The following DGKB variants were observed in gnomAD, a reference collection of about 807,000 sequenced individuals.
DGKB encodes diacylglycerol kinase beta.
In DGKB, 67 loss-of-function variants were observed where a neutral mutation model predicts 114.3. The observed-to-expected ratio is 0.59, with a 90% CI of 0.48 to 0.72. The LOEUF (loss-of-function observed/expected upper bound fraction) is 0.72, where lower values mean the gene tolerates loss of function less well. Ranked by LOEUF, DGKB falls within the 30% of genes least tolerant of loss-of-function variation. DGKB has a pLI of 0.00. For synonymous variants in DGKB, 398 were observed against 323.1 expected (o/e 1.23, Z -2.49); for missense variants, 907 against 975.2 (o/e 0.93, Z 0.93).
At chr7:14,796,848 A>G (rs2128036855) in intron 2 of DGKB, among the ~76,000 whole-genome samples, 1 of 152,284 alleles carries the variant, frequency 6.6e-6, no homozygotes, top group East Asian at 1.9e-4. Flanking sequence ...ATTTTGCAAG[A>G]ATTTTGATAG....
intron 21 of DGKB, among the ~76,000 whole-genome samples, chr7:14,352,640 AT>A (rs1290129530): frequency 1.3e-5 from 2 of 152,194 alleles, no homozygotes; most frequent in East Asian, 3.8e-4. Context: ...TAATAATTAA[AT>A]CTTTACTATT....
intron 21 of DGKB, among the ~76,000 whole-genome samples, chr7:14,434,789 A>G (rs1828995245): frequency 6.6e-6 from 1 of 152,308 alleles, no homozygotes; most frequent in Admixed American, 6.5e-5. Context: ...TAGCGACCAA[A>G]GAGCCTCAAC....
chr7:14,862,569 T>C (rs1487422408), intron 1 of DGKB, among the ~76,000 whole-genome samples: 1 of 152,078 alleles, frequency 6.6e-6, no homozygotes, highest in East Asian at 1.9e-4. Context: ...AGTCACACCG[T>C]TAATAAGCAA....
At chr7:14,469,238 T>C (rs186575717) in intron 21 of DGKB, among the ~76,000 whole-genome samples, 145 of 152,222 alleles carry the variant, frequency 9.5e-4, no homozygotes, top group African/African-American at 3.4e-3. Flanking sequence ...TCATTTATCT[T>C]AGATTCTAAA....
rs6461107 is a variant in DGKB at position 14,562,118 on chromosome 7, G to C, written c.1770+12094C>G. Among the ~76,000 whole-genome samples, 663 of 152,296 alleles carry C rather than the reference G, an allele frequency of 4.4e-3. 6 individuals are homozygous for C. The highest frequency in any genetic ancestry group is 0.015 in the African/African-American group (632 of 41,570). ...TACAGCTCAGAATGTGGTTCCAGAG[G>C]GTGCAAGCCCCAAGCCTTGGCAGCA... On this transcript the variant is annotated intron_variant, in intron 20 of 25. Coordinates refer to ENST00000402815, the MANE Select transcript of DGKB (RefSeq NM_001350709.2).
chr7:14,556,508 G>A (rs1438801717), intron 20 of DGKB, among the ~76,000 whole-genome samples: 1 of 151,836 alleles, frequency 6.6e-6, no homozygotes, highest in African/African-American at 2.4e-5. Context: ...AAGAATTATG[G>A]TCTTCCTCCT....
chr7:14,873,727 C>T (rs1852828130), intron 1 of DGKB, among the ~76,000 whole-genome samples: 1 of 151,678 alleles, frequency 6.6e-6, no homozygotes. Flanking sequence ...ACTTTGAGTC[C>T]ACTGTTTCTA....
In DGKB at chr7:14,224,461, G is replaced by A. The variant is rs144190450; in HGVS notation, c.2123-46310C>T. Among the ~76,000 whole-genome samples, 939 of 151,878 alleles carry A rather than the reference G, an allele frequency of 6.2e-3. 12 individuals are homozygous for A. The highest frequency in any genetic ancestry group is 0.022 in the African/African-American group (905 of 41,466). On this transcript the variant is annotated intron_variant, in intron 23 of 25. Coordinates refer to ENST00000402815, the MANE Select transcript of DGKB (RefSeq NM_001350709.2). ...TGTACTTATAATGGCTAATTTGAAG[G>A]CTTTGTCTGTTTAACTCAATATCTG... is the stretch of plus-strand genomic sequence containing the variant.
chr7:14,519,759 G>C (rs1584530850), intron 20 of DGKB, among the ~76,000 whole-genome samples: 1 of 151,786 alleles, frequency 6.6e-6, no homozygotes, highest in Non-Finnish European at 1.5e-5. Context: ...TGGGCATGTA[G>C]TGATATATCT....
chr7:14,491,364 T>A (rs1019951657), intron 20 of DGKB, among the ~76,000 whole-genome samples: 1 of 152,224 alleles, frequency 6.6e-6, no homozygotes, highest in South Asian at 2.1e-4. Context: ...CCTTCTGTCA[T>A]GATTGTGAGA....
intron 17 of DGKB, among the ~76,000 whole-genome samples, chr7:14,601,332 C>T (rs1346081678): frequency 6.6e-6 from 1 of 152,036 alleles, no homozygotes; most frequent in African/African-American, 2.4e-5. Flanking sequence ...AAGGCCCTGA[C>T]ACTGTGGGCC....
Position 14,212,263 on chromosome 7 carries a change from ACTCTCATGTTTTGTGAT to A in DGKB, c.2123-34129_2123-34113del, listed in dbSNP as rs1562632789. Among the ~76,000 whole-genome samples the A allele has an allele frequency of 6.3e-3, 51 of 8,130 alleles. 14 individuals carry two copies. The highest frequency in any genetic ancestry group is 0.012 in the Admixed American group (6 of 508). The allele number at this position is 8,130 out of a possible 152,430, so 5.3% of individuals were successfully genotyped here. ...TTTTACTCTCATGTTTTGTGATTTTACTCTCATGTTTTGTGATTTTACTCTCATGTTTTGTGATTTTA... is the reference window on the plus strand; with the variant it reads ...TTTTACTCTCATGTTTTGTGATTTTATTTACTCTCATGTTTTGTGATTTTA... On this transcript the variant is annotated intron_variant, in intron 23 of 25. Transcript: ENST00000402815.
chr7:14,478,310 A>G (rs1234178458), intron 20 of DGKB, 85 bp from the exon 21 acceptor site: 3 of 822,092 alleles, frequency 3.6e-6, no homozygotes, highest in Non-Finnish European at 5.4e-6. Context: ...AAAAAATAAC[A>G]TTTCAAAATG....
At chr7:14,305,565 G>C (rs1438863918) in intron 23 of DGKB, among the ~76,000 whole-genome samples, 1 of 152,076 alleles carries the variant, frequency 6.6e-6, no homozygotes, top group Admixed American at 6.6e-5. Flanking sequence ...TTCAGGGCTG[G>C]AATTCAAAGC....
At chr7:14,324,082 G>C (rs564596468) in intron 23 of DGKB, among the ~76,000 whole-genome samples, 1 of 152,126 alleles carries the variant, frequency 6.6e-6, no homozygotes, top group African/African-American at 2.4e-5. Flanking sequence ...GGAAAAATAT[G>C]TTGATAAAAG....
chr7:14,458,798 A>C (rs1368815734), intron 21 of DGKB, among the ~76,000 whole-genome samples: 1 of 152,170 alleles, frequency 6.6e-6, no homozygotes, highest in Non-Finnish European at 1.5e-5. Flanking sequence ...ACAACGAGCT[A>C]GCTGCAGGAT....
chr7:14,932,012 C>A (rs1187693735), intron 1 of DGKB, among the ~76,000 whole-genome samples: 1 of 152,138 alleles, frequency 6.6e-6, no homozygotes, highest in African/African-American at 2.4e-5. Flanking sequence ...TTCCCAGGAC[C>A]ATGGACAGAC....
At chr7:14,718,882 G>A (rs554707018) in intron 5 of DGKB, 197 bp from the exon 6 acceptor site, 2 of 495,408 alleles carry the variant, frequency 4.0e-6, no homozygotes, top group East Asian at 7.0e-5. Context: ...GAGTTCTTTG[G>A]GATCCACAGA....
intron 13 of DGKB, among the ~76,000 whole-genome samples, chr7:14,643,295 G>A (rs1245314566): frequency 6.6e-6 from 1 of 152,108 alleles, no homozygotes; most frequent in Non-Finnish European, 1.5e-5. Context: ...AAGCCCCTCT[G>A]CCCTCACAGA....
Sources: gnomAD v4.1 joint callset for allele counts (sites outside exome capture counted in the v4.1 genomes callset) on GRCh38, gnomAD v4.1.1 for gene constraint, MANE v1.5 for transcripts, NCBI Gene and HGNC (gene_info 2026-07-23, HGNC 2026-07-21) for gene names.